The following GLDC variants were observed in gnomAD, a reference collection of about 807,000 sequenced individuals.
The protein encoded by GLDC is glycine dehydrogenase (decarboxylating), mitochondrial.
Under a neutral mutation model 121.3 loss-of-function variants are expected in GLDC, and 104 were observed. The ratio of observed to expected loss-of-function variants is 0.86; its 90% confidence interval spans 0.73 to 1.01. GLDC has a LOEUF of 1.01. GLDC is among the 50% of genes least tolerant of loss of function. The pLI is 0.00. For synonymous variants in GLDC, 546 were observed against 480.6 expected, an observed-to-expected ratio of 1.14 and a Z score of -1.78; for missense variants, 1,429 against 1,306.6, an observed-to-expected ratio of 1.09 and a Z score of -1.44.
intron 22 of GLDC, 36 bp from the exon 23 acceptor site, chr9:6,536,272 G>A: frequency 6.3e-7 from 1 of 1,575,284 alleles, no homozygotes; most frequent in South Asian, 1.1e-5. Context: ...CCTCACTGAA[G>A]GTCAGTGGCC....
chr9:6,562,566 A>G (rs947108263), intron 16 of GLDC, among the ~76,000 whole-genome samples: 1 of 152,054 alleles, frequency 6.6e-6, no homozygotes, highest in Non-Finnish European at 1.5e-5. Context: ...TAATTAAAAA[A>G]AATTTTTTTT....
chr9:6,593,691 CT>C (rs201795236), intron 9 of GLDC, among the ~76,000 whole-genome samples: 3,510 of 133,084 alleles, frequency 0.026, 76 homozygotes, highest in African/African-American at 0.081. Flanking sequence ...GATTTAATCA[CT>C]TTTTTTTTTT....
intron 12 of GLDC, 124 bp from the exon 13 acceptor site, chr9:6,588,826 A>G (rs771158341): frequency 5.5e-6 from 4 of 729,954 alleles, no homozygotes; most frequent in African/African-American, 3.5e-5. Flanking sequence ...GCCACGGACA[A>G]TATGTCAACT....
At chr9:6,639,266 C>T (rs1261760279) in intron 2 of GLDC, 2 of 899,278 alleles carry the variant, frequency 2.2e-6, no homozygotes, top group South Asian at 2.6e-5. Flanking sequence ...AAGATCCGCA[C>T]ATCACCCACC....
chr9:6,536,967 G>C (rs969002968), intron 22 of GLDC, among the ~76,000 whole-genome samples: 2 of 151,816 alleles, frequency 1.3e-5, no homozygotes, highest in Non-Finnish European at 2.9e-5. Context: ...GTAGTCAAGA[G>C]ACAGATTTCC....
chr9:6,598,151 A>C (rs114516004), intron 8 of GLDC, among the ~76,000 whole-genome samples: 3,564 of 152,226 alleles, frequency 0.023, 136 homozygotes, highest in African/African-American at 0.081. Context: ...ACCTCAGTCT[A>C]CTGAGTAGCT....
intron 2 of GLDC, 151 bp from the exon 3 acceptor site, chr9:6,620,470 G>A (rs1819068930): frequency 3.0e-6 from 2 of 656,304 alleles, no homozygotes; most frequent in Admixed American, 2.8e-5. Flanking sequence ...ACTAAGTACT[G>A]TATGCGACAT....
At position 6,532,978 on chromosome 9, in the gene GLDC, G is replaced by A; in HGVS notation, c.*39C>T. ...TCTTGCTTATCAAATGCTCTGGGGA[G>A]AGGCATCAAATCAGTCCTTTAAACT... On this transcript the variant is annotated 3_prime_UTR_variant, in exon 25 of 25. Transcript: ENST00000321612. 1.4e-6 allele frequency: 2 copies of A among 1,459,858 alleles called. No homozygotes were observed. Among genetic ancestry groups the A allele is most frequent in the Non-Finnish European group, 1.9e-6 (2 of 1,041,302 alleles). 90.4% of individuals were successfully genotyped at this position (1,459,858 alleles called of 1,614,324 possible).
At chr9:6,535,490 C>A (rs201139080) in intron 23 of GLDC, among the ~76,000 whole-genome samples, 1 of 151,886 alleles carries the variant, frequency 6.6e-6, no homozygotes, top group African/African-American at 2.4e-5. Context: ...CAGACTTGTT[C>A]TCTGGCTTAC....
At chr9:6,539,803 TTTAATC>T (rs1294110348) in intron 22 of GLDC, among the ~76,000 whole-genome samples, 1 of 152,200 alleles carries the variant, frequency 6.6e-6, no homozygotes, top group Non-Finnish European at 1.5e-5. Context: ...GGGTTTTAAT[TTTAATC>T]TTAAACACTT....
At chr9:6,623,736 C>T (rs1042322856) in intron 2 of GLDC, among the ~76,000 whole-genome samples, 1 of 152,170 alleles carries the variant, frequency 6.6e-6, no homozygotes, top group Admixed American at 6.5e-5. Context: ...GATGATCTTG[C>T]CTTCTTCCAT....
chr9:6,608,848 A>T (rs1222742402), intron 4 of GLDC, among the ~76,000 whole-genome samples: 2 of 152,216 alleles, frequency 1.3e-5, no homozygotes, highest in Non-Finnish European at 2.9e-5. Flanking sequence ...AAAAGCTGAG[A>T]ATAATAACCA....
intron 6 of GLDC, 127 bp downstream of exon 6, chr9:6,605,004 A>T (rs1440969012): frequency 2.9e-6 from 3 of 1,046,832 alleles, no homozygotes; most frequent in East Asian, 4.8e-5. Flanking sequence ...CAGGAAGGAG[A>T]GTTTTACCAT....
At chr9:6,629,107 C>T (rs1331685465) in intron 2 of GLDC, among the ~76,000 whole-genome samples, 2 of 151,788 alleles carry the variant, frequency 1.3e-5, no homozygotes, top group Non-Finnish European at 2.9e-5. Flanking sequence ...CATAAGAGCC[C>T]TTCTATAGCA....
intron 6 of GLDC, 80 bp downstream of exon 6, chr9:6,605,051 A>G: frequency 7.5e-7 from 1 of 1,329,382 alleles, no homozygotes; most frequent in South Asian, 1.2e-5. Context: ...AGGCACATGA[A>G]AAGACAGAGA....
intron 2 of GLDC, among the ~76,000 whole-genome samples, chr9:6,625,573 G>A (rs1417376460): frequency 2.6e-5 from 4 of 152,166 alleles, no homozygotes; most frequent in African/African-American, 9.7e-5. Context: ...TAGGATTAGA[G>A]GGATAGGAAT....
intron 16 of GLDC, among the ~76,000 whole-genome samples, chr9:6,560,126 T>C (rs1239611212): frequency 6.6e-6 from 1 of 152,206 alleles, no homozygotes; most frequent in Non-Finnish European, 1.5e-5. Context: ...CTTGTAGAAC[T>C]GACGATGTGT....
At chr9:6,576,446 G>C (rs1001079103) in intron 15 of GLDC, among the ~76,000 whole-genome samples, 3 of 152,030 alleles carry the variant, frequency 2.0e-5, no homozygotes, top group African/African-American at 7.2e-5. Context: ...CGTCACCTTG[G>C]AGTTATAATT....
At chr9:6,614,192 TG>T (rs550653382) in intron 3 of GLDC, among the ~76,000 whole-genome samples, 98 of 152,262 alleles carry the variant, frequency 6.4e-4, no homozygotes, top group African/African-American at 2.2e-3. Flanking sequence ...CAGATATCCT[TG>T]CATCTTCAAA....
Sources: gnomAD v4.1 joint callset for allele counts (sites outside exome capture counted in the v4.1 genomes callset) on GRCh38, gnomAD v4.1.1 for gene constraint, MANE v1.5 for transcripts, NCBI Gene and HGNC (gene_info 2026-07-23, HGNC 2026-07-21) for gene names.